The following DMPK variants were observed in gnomAD, a reference collection of about 807,000 sequenced individuals.
DMPK encodes DM1 protein kinase.
DMPK carries 32 observed loss-of-function variants against 70.3 expected under a neutral mutation model. That is an observed-to-expected ratio of 0.46 (90% CI 0.34 to 0.61). The LOEUF (loss-of-function observed/expected upper bound fraction) is 0.61, where lower values mean the gene tolerates loss of function less well. Among genes scored for constraint, DMPK ranks in the 20% least tolerant of loss-of-function variants. DMPK has a pLI of 0.01. For missense variants in DMPK, 899 were observed against 886.0 expected (o/e 1.01, Z -0.19); for synonymous variants, 469 against 390.9 (o/e 1.20, Z -2.36).
chr19:45,777,481 C>T lies in DMPK; in HGVS notation c.992G>A (p.Gly331Asp), dbSNP rs764488056. 6 of 1,613,454 alleles carry T rather than the reference C, an allele frequency of 3.7e-6. No individual in the cohort carries two copies. In the South Asian group the frequency reaches 5.5e-5, roughly 15 times the overall value. ...GAAGAAGGGATGTGTCCGGAAGTCG[C>T]CTGCTCCACCCCGGCCCAGCCGTGT... The part of the protein sequence containing the change: ...PETRLGRGGA[G>D]DFRTHPFFFG... The change falls in exon 8 of 15, where the codon GGC (glycine) becomes GAC (aspartate). Residue 331 changes from glycine to aspartate, a missense_variant. Around this residue, in one of 3 missense-constraint regions of DMPK, gnomAD observed 555 missense variants for 483.8 expected, o/e 1.15. Coordinates refer to ENST00000291270, the MANE Select transcript of DMPK (RefSeq NM_004409.5). This position sits in a 1 kb window ranked among gnomAD's most constrained non-coding sequence, Gnocchi z 6.7.
rs374838493 is a variant in DMPK at position 45,779,897 on chromosome 19, G to T, written c.161-28C>A. On this transcript the variant is annotated intron_variant, in intron 1 of 14. Transcript: ENST00000291270. Reference sequence around the variant, plus strand: ...GGGGGGGTGGTGGGGGAAAAGAACCGAGGGTCACCAGAAAGGGCACTGGAG... The same window carrying T: ...GGGGGGGTGGTGGGGGAAAAGAACCTAGGGTCACCAGAAAGGGCACTGGAG... 15 of 1,613,656 alleles carry T rather than the reference G, an allele frequency of 9.3e-6. No homozygotes were observed. The African/African-American group carries it at 2.0e-4, about 22-fold the overall frequency.
In DMPK at chr19:45,770,498, C is replaced by T; in HGVS notation, c.1880G>A (p.Arg627His). The change falls in exon 15 of 15, where the codon CGC becomes CAC. Residue 627 changes from arginine (R) to histidine (H), a missense_variant. Transcript: ENST00000291270. ...TAVWRRPGAA[R>H]AP ...AGACAGTTCTAGGGTTCAGGGAGCG[C>T]GGGCGGCTCCTGGGCGGCGCCAGAC... is the stretch of plus-strand genomic sequence containing the variant. 1 of 1,550,388 alleles carries T rather than the reference C, an allele frequency of 6.4e-7. No individual in the cohort carries two copies. Among genetic ancestry groups the T allele is most frequent in the Non-Finnish European group, 8.7e-7 (1 of 1,146,796 alleles).
At chr19:45,780,305 T>C in intron 1 of DMPK, 1 of 1,559,250 alleles carries the variant, frequency 6.4e-7, no homozygotes, top group Non-Finnish European at 8.6e-7. Context: ...GGCCCAGACG[T>C]GGGGTTGTAT....
Position 45,770,474 on chromosome 19 carries a change from G to C in DMPK, c.*14C>G. The C allele has an allele frequency of 6.5e-7, 1 of 1,550,006 alleles. No homozygotes were observed. On this transcript the variant is annotated 3_prime_UTR_variant, in exon 15 of 15. Transcript: ENST00000291270. ...CTTCCAACGGGGCCCCGGAGTCGAA[G>C]ACAGTTCTAGGGTTCAGGGAGCGCG... is the stretch of plus-strand genomic sequence containing the variant.
chr19:45,778,131 C>G lies in DMPK; in HGVS notation c.671G>C (p.Gly224Ala), dbSNP rs1475784065. 1.6e-5 allele frequency: 25 copies of G among 1,610,610 alleles called. No individual in the cohort carries two copies. The highest frequency in any genetic ancestry group is 2.1e-5 in the Non-Finnish European group (25 of 1,178,422). The change falls in exon 6 of 15, where the codon GGA becomes GCA. Residue 224 changes from glycine to alanine, a missense_variant. This residue lies in a region of DMPK where 195 missense variants were observed against 259.7 expected (regional missense o/e 0.75). Coordinates refer to ENST00000291270, the MANE Select transcript of DMPK (RefSeq NM_004409.5). ...FGSCLKLRAD[G>A]TVRSLVAVGT... ...GTGGCCAGGGCACTGGCTCACCGTTCCATCTGCCCGCAGCTTGAGGCAAGA... is the reference window on the plus strand; with the variant it reads ...GTGGCCAGGGCACTGGCTCACCGTTGCATCTGCCCGCAGCTTGAGGCAAGA...
Position 45,771,878 on chromosome 19 carries a change from C to G in DMPK, c.1395G>C (p.Glu465Asp). 1.3e-6 allele frequency: 2 copies of G among 1,592,174 alleles called. No individual in the cohort carries two copies. Among genetic ancestry groups the G allele is most frequent in the Non-Finnish European group, 1.7e-6 (2 of 1,169,468 alleles). ...AAVPAAEAEAEVTLRELQEAL... is the reference protein window; with the variant it reads ...AAVPAAEAEADVTLRELQEAL... ...CTTCCTGGAGCTCCCGCAGCGTCACCTCGGCCTCAGCCTCTGCCGCAGGGA... is the reference window on the plus strand; with the variant it reads ...CTTCCTGGAGCTCCCGCAGCGTCACGTCGGCCTCAGCCTCTGCCGCAGGGA... The change falls in exon 11 of 15, where the codon GAG (glutamate) becomes GAC (aspartate). Residue 465 changes from glutamate to aspartate, a missense_variant. This residue lies in a region of DMPK where 555 missense variants were observed against 483.8 expected (regional missense o/e 1.15). Coordinates refer to ENST00000291270, the MANE Select transcript of DMPK (RefSeq NM_004409.5).
chr19:45,775,107 A>G (rs1486927623), intron 8 of DMPK, 73 bp from the exon 9 acceptor site: 3 of 1,235,194 alleles, frequency 2.4e-6, no homozygotes, highest in East Asian at 2.5e-5. Flanking sequence ...CTTGGCTTAC[A>G]TGTTCCCCCC....
In DMPK at chr19:45,778,478, C is replaced by T; in HGVS notation, c.581+15G>A. The T allele has an allele frequency of 6.2e-7, 1 of 1,611,306 alleles. No individual in the cohort carries two copies. Among genetic ancestry groups the T allele is most frequent in the Non-Finnish European group, 8.5e-7 (1 of 1,178,232 alleles). On this transcript the variant is annotated intron_variant, in intron 5 of 14. Coordinates refer to ENST00000291270, the MANE Select transcript of DMPK (RefSeq NM_004409.5). ...GGGAACAAGCTTGCTATCCCCTCGG[C>T]CATGCTGCACCCACCTGTGCACGTA...
Position 45,771,599 on chromosome 19 carries a change from C to T in DMPK, c.1569G>A (p.Arg523=). The change falls in exon 12 of 15, where the codon CGG becomes CGA. Residue 523 remains arginine (R), a synonymous_variant. Coordinates refer to ENST00000291270, the MANE Select transcript of DMPK (RefSeq NM_004409.5). Reference sequence around the variant, plus strand: ...CTCCCTCTGCCTGCAGCAACTCCATCCGCTCCTGCAACTGCCGGACGTGTG... The same window carrying T: ...CTCCCTCTGCCTGCAGCAACTCCATTCGCTCCTGCAACTGCCGGACGTGTG... ...LEAHVRQLQE[R]MELLQAEGAT... is the part of the protein sequence containing the mutation. 6.2e-7 allele frequency: 1 copy of T among 1,614,046 alleles called. No individual in the cohort carries two copies. Among genetic ancestry groups the T allele is most frequent in the Non-Finnish European group, 8.5e-7 (1 of 1,179,954 alleles).
At chr19:45,780,118 A>G in intron 1 of DMPK, 3 of 1,456,440 alleles carry the variant, frequency 2.1e-6, no homozygotes, top group Non-Finnish European at 2.7e-6. Context: ...GAGGGCTCCA[A>G]GGGTGTGCAG....
In DMPK at chr19:45,778,189, G is replaced by T; in HGVS notation, c.613C>A (p.Arg205Ser). The T allele has an allele frequency of 1.2e-6, 2 of 1,613,838 alleles. No homozygotes were observed. Among genetic ancestry groups the T allele is most frequent in the Non-Finnish European group, 1.7e-6 (2 of 1,179,928 alleles). ...TCGGCCAGGCGGATGTGGCCACAGCGGTCCAGCAGGATGTTGTCGGGTTTG... is the reference window on the plus strand; with the variant it reads ...TCGGCCAGGCGGATGTGGCCACAGCTGTCCAGCAGGATGTTGTCGGGTTTG... ...DIKPDNILLD[R>S]CGHIRLADFG... Residue 205 changes from arginine (R) to serine (S), a missense_variant, in exon 6 of 15, where the codon CGC (arginine) becomes AGC (serine). Arg to Ser is a moderately radical substitution (Grantham distance 110). This residue lies in a region of DMPK where 195 missense variants were observed against 259.7 expected (regional missense o/e 0.75). Transcript: ENST00000291270.
Position 45,779,868 on chromosome 19 carries a change from C to T in DMPK, c.162G>A (p.Ala54=). 1.9e-6 allele frequency: 3 copies of T among 1,613,232 alleles called. No individual in the cohort carries two copies. The highest frequency in any genetic ancestry group is 2.5e-6 in the Non-Finnish European group (3 of 1,179,734). ...CCTTAAGCCTCACCACGATGGGCTC[C>T]GCTGGGGGGGTGGTGGGGGAAAAGA... ...DKYVADFLQW[A]EPIVVRLKEV... is the part of the protein sequence containing the mutation. Residue 54 remains alanine (A), a splice_region_variant and synonymous_variant, in exon 2 of 15, where the codon GCG becomes GCA. Transcript: ENST00000291270.
chr19:45,781,606 G>C lies in DMPK; in HGVS notation c.160+587C>G, dbSNP rs116131451. Among the ~76,000 whole-genome samples, 931 of 152,322 alleles carry C rather than the reference G, an allele frequency of 6.1e-3. 9 individuals are homozygous for C. The highest frequency in any genetic ancestry group is 0.021 in the African/African-American group (879 of 41,580). On this transcript the variant is annotated intron_variant, in intron 1 of 14. Coordinates refer to ENST00000291270, the MANE Select transcript of DMPK (RefSeq NM_004409.5). ...GAAGAACCCAAAGTTGTCCCTCCTG[G>C]ATCGCAGAGGAGGGGGCACTGGTGG...
chr19:45,782,402 C>T lies in DMPK; in HGVS notation c.-50G>A. 1.3e-6 allele frequency: 2 copies of T among 1,493,690 alleles called. No individual in the cohort carries two copies. The highest frequency in any genetic ancestry group is 1.8e-6 in the Non-Finnish European group (2 of 1,122,092). 92.5% of individuals were successfully genotyped at this position (1,493,690 alleles called of 1,614,324 possible). A position where few individuals can be genotyped will look rare whatever the true frequency, so the allele number is the denominator to read the frequency against. On this transcript the variant is annotated 5_prime_UTR_variant, in exon 1 of 15. Transcript: ENST00000291270. ...CTCCCCGGGCCGGGGGCTCGGGGTC[C>T]TCCTGTCACAGGGCCTGGCAGCCCC...
Position 45,770,426 on chromosome 19 carries a change from G to A in DMPK, c.*62C>T. 1 of 1,533,710 alleles carries A rather than the reference G, an allele frequency of 6.5e-7. No individual in the cohort carries two copies. The highest frequency in any genetic ancestry group is 2.2e-4 in the Middle Eastern group (1 of 4,502). ...CTGGCAGGCGGTGGGCGCGGCTTCT[G>A]TGCCGTGCCCCGGGCACTCAGTCTT... On this transcript the variant is annotated 3_prime_UTR_variant, in exon 15 of 15. Coordinates refer to ENST00000291270, the MANE Select transcript of DMPK (RefSeq NM_004409.5).
chr19:45,781,750 G>A (rs1482704072), intron 1 of DMPK, among the ~76,000 whole-genome samples: 1 of 152,140 alleles, frequency 6.6e-6, no homozygotes. Flanking sequence ...TGTCGGCTGC[G>A]CCCCTGGCAG....
intron 9 of DMPK, 74 bp downstream of exon 9, chr19:45,774,875 G>A: frequency 8.4e-7 from 1 of 1,184,696 alleles, no homozygotes; most frequent in Non-Finnish European, 1.3e-6. Context: ...CAACTCCATT[G>A]GCTGCCAAGG....
intron 10 of DMPK, chr19:45,772,356 G>A (rs1395025864): frequency 7.9e-6 from 3 of 381,042 alleles, no homozygotes; most frequent in Admixed American, 4.7e-5. Flanking sequence ...GGAGGCTCTC[G>A]CCTGACCACT....
rs771259599 is a variant in DMPK at position 45,777,700 on chromosome 19, C to T, written c.849G>A (p.Thr283=). The change falls in exon 7 of 15, where the codon ACG becomes ACA. Residue 283 remains threonine (T), a synonymous_variant. Coordinates refer to ENST00000291270, the MANE Select transcript of DMPK (RefSeq NM_004409.5). This position sits in a 1 kb window ranked among gnomAD's most constrained non-coding sequence, Gnocchi z 6.7. ...YGQTPFYADS[T]AETYGKIVHY... Reference sequence around the variant, plus strand: ...GGACGATCTTGCCATAGGTCTCCGCCGTGGAATCCGCGTAGAAGGGCGTCT... The same window carrying T: ...GGACGATCTTGCCATAGGTCTCCGCTGTGGAATCCGCGTAGAAGGGCGTCT... 12 of 1,614,012 alleles carry T rather than the reference C, an allele frequency of 7.4e-6. No homozygotes were observed. Among genetic ancestry groups the T allele is most frequent in the Middle Eastern group, 1.6e-4 (1 of 6,062 alleles).
Sources: gnomAD v4.1 joint callset for allele counts (sites outside exome capture counted in the v4.1 genomes callset) on GRCh38, gnomAD v4.1.1 for gene constraint, gnomAD v4.1.1 regional missense constraint, Gnocchi (gnomAD v3.1) non-coding constraint, MANE v1.5 for transcripts, NCBI Gene and HGNC (gene_info 2026-07-23, HGNC 2026-07-21) for gene names.